Variants in RHBDL1 observed in about 807,000 individuals in gnomAD.
The protein encoded by RHBDL1 is rhomboid-related protein 1.
Under a neutral mutation model 34.0 loss-of-function variants are expected in RHBDL1, and 21 were observed. The ratio of observed to expected loss-of-function variants is 0.62; its 90% CI spans 0.44 to 0.89. The LOEUF is 0.89. Ranked by LOEUF, RHBDL1 falls within the 40% of genes least tolerant of loss-of-function variation. RHBDL1 has a pLI of 0.00. For synonymous variants in RHBDL1, 268 were observed against 234.8 expected, an observed-to-expected ratio of 1.14 and a Z score of -1.29; for missense variants, 450 against 530.6, an observed-to-expected ratio of 0.85 and a Z score of 1.49.
At chr16:676,000 C>G (rs1218764752) in intron 1 of RHBDL1, 171 bp downstream of exon 1, 33 of 1,413,428 alleles carry the variant, frequency 2.3e-5, no homozygotes, top group Admixed American at 6.1e-5. Context: ...CTGACTGGAC[C>G]AGAGCTCCTG....
intron 1 of RHBDL1, 103 bp downstream of exon 1, chr16:675,932 G>A (rs1054314615): frequency 2.2e-5 from 31 of 1,404,014 alleles, no homozygotes; most frequent in East Asian, 5.5e-5. Context: ...AGCCCCGCTC[G>A]GTACCTACCT....
Position 676,443 on chromosome 16 carries a change from C to T in RHBDL1, c.147C>T (p.Ala49=), listed in dbSNP as rs375143444. The change falls in exon 2 of 8, where the codon GCC becomes GCT. Residue 49 remains alanine, a synonymous_variant. Transcript: ENST00000352681. The surrounding 1 kb of genome is among the most constrained non-coding windows in gnomAD (Gnocchi z 6.9). ...CGGCCAAGCTGGACATGCTGGTGGC[C>T]CTGGCTCAGAGCAACGAGCAGGGCC... is the stretch of plus-strand genomic sequence containing the variant. ...LDPAKLDMLV[A]LAQSNEQGQV... 333 of 1,605,326 alleles carry T rather than the reference C, an allele frequency of 2.1e-4. No homozygotes were observed. The highest frequency in any genetic ancestry group is 2.8e-4 in the Non-Finnish European group (324 of 1,178,166).
Position 677,096 on chromosome 16 carries a change from C to A in RHBDL1, c.552C>A (p.Leu184=). The A allele has an allele frequency of 6.2e-7, 1 of 1,612,678 alleles. No individual in the cohort carries two copies. The highest frequency in any genetic ancestry group is 8.5e-7 in the Non-Finnish European group (1 of 1,179,794). Residue 184 remains leucine, a synonymous_variant, in exon 4 of 8, where the codon CTC becomes CTA. Transcript: ENST00000352681. ...ACCGTGCCCGCGCCTGGCGCTTCCTCACCTACATGTTCATGCACGTTGGGT... is the reference window on the plus strand; with the variant it reads ...ACCGTGCCCGCGCCTGGCGCTTCCTAACCTACATGTTCATGCACGTTGGGT... The part of the protein sequence containing the change: ...PGHRARAWRF[L]TYMFMHVGLE...
rs533346109 is a variant in RHBDL1, at chr16:676,365, C to A, written c.69C>A (p.Ile23=). The A allele has an allele frequency of 1.9e-6, 3 of 1,610,166 alleles. No homozygotes were observed. Among genetic ancestry groups the A allele is most frequent in the South Asian group, 1.1e-5 (1 of 90,700 alleles). The change falls in exon 2 of 8, where the codon ATC becomes ATA. Residue 23 remains isoleucine, a synonymous_variant. Transcript: ENST00000352681. The surrounding 1 kb of genome is among the most constrained non-coding windows in gnomAD (Gnocchi z 6.9). ...TGGACCCCGAGAACACAGGCTTCATCGGTGCGGACACCTTCACTGGCCTGG... is the reference window on the plus strand; with the variant it reads ...TGGACCCCGAGAACACAGGCTTCATAGGTGCGGACACCTTCACTGGCCTGG... ...QQLDPENTGF[I]GADTFTGLVH...
intron 1 of RHBDL1, 98 bp downstream of exon 1, chr16:675,927 C>T (rs1360398273): frequency 1.1e-5 from 15 of 1,412,232 alleles, no homozygotes; most frequent in East Asian, 2.7e-5. Context: ...CCGAAAGCCC[C>T]GCTCGGTACC....
rs773713124 is a variant in RHBDL1 at position 676,218 on chromosome 16, G to A, written c.40-118G>A. 7 of 1,541,854 alleles carry A rather than the reference G, an allele frequency of 4.5e-6. No individual in the cohort carries two copies. In the Admixed American group the frequency reaches 6.0e-5, roughly 13 times the overall value. ...GTCCCAGGGAACAGACAGGCACGGG[G>A]CCCCTGTCCCAAAAGTGCTGGGAGC... On this transcript the variant is annotated intron_variant, in intron 1 of 7. Transcript: ENST00000352681. The surrounding 1 kb of genome is among the most constrained non-coding windows in gnomAD (Gnocchi z 6.9).
Position 677,328 on chromosome 16 carries a change from C to T in RHBDL1, c.628C>T (p.Leu210=), listed in dbSNP as rs1237763403. The change falls in exon 5 of 8, where the codon CTG becomes TTG. Residue 210 remains leucine (L), a synonymous_variant. Coordinates refer to ENST00000352681, the MANE Select transcript of RHBDL1 (RefSeq NM_001278720.2). ...CCTGCAGCTGATGATCGGGGTGCCC[C>T]TGGAGATGGTGCACGGCCTGCTCCG... The part of the protein sequence containing the change: ...ALLQLMIGVP[L]EMVHGLLRIS... 1.3e-6 allele frequency: 2 copies of T among 1,575,716 alleles called. No individual in the cohort carries two copies. The highest frequency in any genetic ancestry group is 2.4e-5 in the East Asian group (1 of 42,410).
chr16:675,681 C>CCGAGCGGAG lies in RHBDL1; in HGVS notation c.-107_-99dup, dbSNP rs1268374047. Reference sequence around the variant, plus strand: ...TCGGTGACGCGGCCCAAGCGCGGCGCCGAGCGGAGCGGGCGGAGCGGGCCG... The same window carrying CCGAGCGGAG: ...TCGGTGACGCGGCCCAAGCGCGGCGCCGAGCGGAGCGAGCGGAGCGGGCGGAGCGGGCCG... On this transcript the variant is annotated 5_prime_UTR_variant, in exon 1 of 8. Transcript: ENST00000352681. 4.7e-6 allele frequency: 2 copies of CCGAGCGGAG among 422,126 alleles called. No individual in the cohort carries two copies. The highest frequency in any genetic ancestry group is 2.1e-5 in the African/African-American group (1 of 46,930). 26.1% of individuals were successfully genotyped at this position (422,126 alleles called of 1,614,324 possible). A position where few individuals can be genotyped will look rare whatever the true frequency, so the allele number is the denominator to read the frequency against.
chr16:678,079 G>A lies in RHBDL1; in HGVS notation c.*27G>A. On this transcript the variant is annotated 3_prime_UTR_variant, in exon 8 of 8. Coordinates refer to ENST00000352681, the MANE Select transcript of RHBDL1 (RefSeq NM_001278720.2). Reference sequence around the variant, plus strand: ...CGGCTACCTGAGGCTGCACAGGCCAGGGCTCGGGCATGTGGTGGCCGCCCA... The same window carrying A: ...CGGCTACCTGAGGCTGCACAGGCCAAGGCTCGGGCATGTGGTGGCCGCCCA... 6.6e-7 allele frequency: 1 copy of A among 1,519,220 alleles called. No homozygotes were observed. The highest frequency in any genetic ancestry group is 8.8e-7 in the Non-Finnish European group (1 of 1,138,824). The allele number at this position is 1,519,220 out of a possible 1,614,324, so 94.1% of individuals were successfully genotyped here.
chr16:676,552 G>A lies in RHBDL1; in HGVS notation c.201+55G>A, dbSNP rs978042773. The stretch of plus-strand genomic sequence containing the variant: ...GCACGGTGTCCTGGCCAGAGGAGGC[G>A]GGCAGGCAGCTCCTCACGGCGGTGG... On this transcript the variant is annotated intron_variant, in intron 2 of 7. Coordinates refer to ENST00000352681, the MANE Select transcript of RHBDL1 (RefSeq NM_001278720.2). The surrounding 1 kb of genome is among the most constrained non-coding windows in gnomAD (Gnocchi z 6.9). 4.3e-5 allele frequency: 67 copies of A among 1,568,866 alleles called. No individual in the cohort carries two copies. The highest frequency in any genetic ancestry group is 1.5e-4 in the Admixed American group (9 of 58,236).
chr16:676,229 A>C lies in RHBDL1; in HGVS notation c.40-107A>C. On this transcript the variant is annotated intron_variant, in intron 1 of 7. Coordinates refer to ENST00000352681, the MANE Select transcript of RHBDL1 (RefSeq NM_001278720.2). This position sits in a 1 kb window ranked among gnomAD's most constrained non-coding sequence, Gnocchi z 6.9. ...CAGACAGGCACGGGGCCCCTGTCCC[A>C]AAAGTGCTGGGAGCCTGAGCCTGAT... is the stretch of plus-strand genomic sequence containing the variant. The C allele has an allele frequency of 1.3e-6, 2 of 1,549,032 alleles. No individual in the cohort carries two copies. Among genetic ancestry groups the C allele is most frequent in the Non-Finnish European group, 1.7e-6 (2 of 1,145,778 alleles).
chr16:675,876 C>T, intron 1 of RHBDL1, 47 bp downstream of exon 1: 2 of 1,475,618 alleles, frequency 1.4e-6, no homozygotes, highest in South Asian at 1.3e-5. Context: ...CCCAATGCGG[C>T]CCTCCTGCCG....
chr16:676,304 C>T lies in RHBDL1; in HGVS notation c.40-32C>T. 1.9e-6 allele frequency: 3 copies of T among 1,603,170 alleles called. No individual in the cohort carries two copies. Among genetic ancestry groups the T allele is most frequent in the Non-Finnish European group, 2.6e-6 (3 of 1,175,650 alleles). ...CTTTGGTCCAGGGGTCGGGCCCGCACTCAGGCCTTGGCTGGCGGCTCCTCA... is the reference window on the plus strand; with the variant it reads ...CTTTGGTCCAGGGGTCGGGCCCGCATTCAGGCCTTGGCTGGCGGCTCCTCA... On this transcript the variant is annotated intron_variant, in intron 1 of 7. Transcript: ENST00000352681. This position sits in a 1 kb window ranked among gnomAD's most constrained non-coding sequence, Gnocchi z 6.9.
Position 678,052 on chromosome 16 carries a change from A to G in RHBDL1, c.1122A>G (p.Ter374TrpextTer4). 1 of 1,556,106 alleles carries G rather than the reference A, an allele frequency of 6.4e-7. No homozygotes were observed. Among genetic ancestry groups the G allele is most frequent in the Non-Finnish European group, 8.6e-7 (1 of 1,156,088 alleles). ...LLGAHIPPPP[*>W] ...GCGCCCACATCCCCCCACCGCCCTGACCGGCTACCTGAGGCTGCACAGGCC... is the reference window on the plus strand; with the variant it reads ...GCGCCCACATCCCCCCACCGCCCTGGCCGGCTACCTGAGGCTGCACAGGCC... The change falls in exon 8 of 8, where the codon TGA becomes TGG. Residue 374 changes from the stop codon to tryptophan, a stop_lost. Coordinates refer to ENST00000352681, the MANE Select transcript of RHBDL1 (RefSeq NM_001278720.2).
rs373623437 is a variant in RHBDL1 at position 677,623 on chromosome 16, C to G, written c.790-16C>G. ...CCAGGTGAGCCTCACCACTTCTCGT[C>G]TGCACACACCCATAGAACTGGGCTG... On this transcript the variant is annotated splice_polypyrimidine_tract_variant and intron_variant, in intron 6 of 7. Coordinates refer to ENST00000352681, the MANE Select transcript of RHBDL1 (RefSeq NM_001278720.2). 22 of 1,598,708 alleles carry G rather than the reference C, an allele frequency of 1.4e-5. No homozygotes were observed. In the South Asian group the frequency reaches 2.2e-4, roughly 16 times the overall value.
intron 4 of RHBDL1, 66 bp downstream of exon 4, chr16:677,185 C>A: frequency 6.3e-7 from 1 of 1,578,990 alleles, no homozygotes; most frequent in Non-Finnish European, 8.6e-7. Flanking sequence ...GGCTTAGCCG[C>A]AAGGCAGGTG....
chr16:677,243 A>C, intron 4 of RHBDL1, 33 bp from the exon 5 acceptor site: 3 of 1,552,100 alleles, frequency 1.9e-6, no homozygotes, highest in South Asian at 2.3e-5. Context: ...GGCTGACCCC[A>C]CCCTTCGTAC....
chr16:677,972 G>C lies in RHBDL1; in HGVS notation c.1042G>C (p.Gly348Arg), dbSNP rs201293235. The change falls in exon 8 of 8, where the codon GGC becomes CGC. Residue 348 changes from glycine (G) to arginine (R), a missense_variant. Coordinates refer to ENST00000352681, the MANE Select transcript of RHBDL1 (RefSeq NM_001278720.2). The stretch of plus-strand genomic sequence containing the variant: ...CTGGTGGGTGGTGCTGCTGGCCTAC[G>C]GCACCTTCCTGCTCTTCGCCGTCTT... ...CGWWVVLLAYGTFLLFAVFWN... is the reference protein window; with the variant it reads ...CGWWVVLLAYRTFLLFAVFWN... 2.5e-6 allele frequency: 4 copies of C among 1,602,372 alleles called. No homozygotes were observed. Among genetic ancestry groups the C allele is most frequent in the South Asian group, 1.1e-5 (1 of 90,998 alleles).
At position 677,445 on chromosome 16, in the gene RHBDL1, G is replaced by A. The variant is rs760801805; in HGVS notation, c.689-14G>A. 1.3e-5 allele frequency: 21 copies of A among 1,599,002 alleles called. No individual in the cohort carries two copies. The highest frequency in any genetic ancestry group is 1.7e-4 in the Middle Eastern group (1 of 6,052). On this transcript the variant is annotated splice_polypyrimidine_tract_variant and intron_variant, in intron 5 of 7. Transcript: ENST00000352681. Reference sequence around the variant, plus strand: ...CTGGCCGGCTGCACCCTCACCCGCCGCTTGCTCACACAGGCTCCCTAACCG... The same window carrying A: ...CTGGCCGGCTGCACCCTCACCCGCCACTTGCTCACACAGGCTCCCTAACCG...
Sources: allele counts gnomAD v4.1 joint callset, GRCh38; gene constraint gnomAD v4.1.1; non-coding constraint Gnocchi (gnomAD v3.1); transcripts MANE v1.5; gene names NCBI Gene and HGNC (gene_info 2026-07-23, HGNC 2026-07-21).